The following OSBP variants were observed in gnomAD, a reference collection of about 807,000 sequenced individuals.
OSBP encodes oxysterol binding protein, also known as oxysterol-binding protein 1.
A neutral mutation model predicts 96.6 loss-of-function variants in OSBP; 32 were observed. The observed-to-expected ratio is 0.33, with a 90% CI of 0.25 to 0.45. The LOEUF (loss-of-function observed/expected upper bound fraction) is 0.45, where lower values mean the gene tolerates loss of function less well. Ranked by LOEUF, OSBP falls within the 20% of genes least tolerant of loss-of-function variation. The pLI is 1.00. For missense variants in OSBP, 653 were observed against 1,029.7 expected (o/e 0.63, Z 5.01); for synonymous variants, 369 against 389.6 (o/e 0.95, Z 0.62).
chr11:59,615,684 A>C lies in OSBP; in HGVS notation c.-20T>G. The C allele has an allele frequency of 7.7e-7, 1 of 1,298,562 alleles. No individual in the cohort carries two copies. Among genetic ancestry groups the C allele is most frequent in the Non-Finnish European group, 9.8e-7 (1 of 1,024,676 alleles). The allele number at this position is 1,298,562 out of a possible 1,614,324, so 80.4% of individuals were successfully genotyped here. On this transcript the variant is annotated 5_prime_UTR_variant, in exon 1 of 14. Transcript: ENST00000263847. ...CGCCATGAGCCGCCGCCGCCTGGAG[A>C]TACAAGACCGGAACCGCCTACGAGA...
intron 9 of OSBP, among the ~76,000 whole-genome samples, chr11:59,587,512 A>AG (rs1485616419): frequency 7.9e-5 from 12 of 152,242 alleles, no homozygotes; most frequent in Admixed American, 2.6e-4. Flanking sequence ...AAAAAAAAAA[A>AG]AAGAAAAAGG....
chr11:59,613,938 C>T lies in OSBP; in HGVS notation c.362+1365G>A, dbSNP rs187990885. On this transcript the variant is annotated intron_variant, in intron 1 of 13. Coordinates refer to ENST00000263847, the MANE Select transcript of OSBP (RefSeq NM_002556.3). ...TGGAAAAGAGACTTGTTCAGCCTAA[C>T]TCTCTGGGTAGCAGAATGATTCCTG... is the stretch of plus-strand genomic sequence containing the variant. Among the ~76,000 whole-genome samples the T allele has an allele frequency of 3.1e-3, 479 of 152,296 alleles. 2 individuals are homozygous for T. The highest frequency in any genetic ancestry group is 4.4e-3 in the Non-Finnish European group (302 of 68,026).
intron 1 of OSBP, among the ~76,000 whole-genome samples, chr11:59,613,470 T>C (rs1309754814): frequency 1.3e-5 from 2 of 152,196 alleles, no homozygotes; most frequent in Non-Finnish European, 2.9e-5. Context: ...GGTAAGAACT[T>C]GGATGAGAAA....
intron 2 of OSBP, 22 bp downstream of exon 2, chr11:59,610,359 G>A: frequency 1.2e-6 from 2 of 1,604,072 alleles, no homozygotes; most frequent in Non-Finnish European, 1.7e-6. Context: ...AGTTCCCCAG[G>A]CAGGTGTTCT....
At chr11:59,604,574 C>T (rs934822062) in intron 3 of OSBP, among the ~76,000 whole-genome samples, 7 of 151,790 alleles carry the variant, frequency 4.6e-5, no homozygotes, top group Admixed American at 2.6e-4. Flanking sequence ...TGGTGATGTG[C>T]GCCTGTAGTC....
chr11:59,608,755 G>A lies in OSBP; in HGVS notation c.572-21C>T, dbSNP rs748667307. On this transcript the variant is annotated intron_variant, in intron 2 of 13. Coordinates refer to ENST00000263847, the MANE Select transcript of OSBP (RefSeq NM_002556.3). ...TTCATCTGTAGGAATGAAAAGAAAG[G>A]TTATATGATTCCAGAACCAGGAGTG... The A allele has an allele frequency of 2.5e-6, 4 of 1,613,086 alleles. No individual in the cohort carries two copies. The South Asian group carries it at 4.4e-5, about 18-fold the overall frequency.
At position 59,615,570 on chromosome 11, in the gene OSBP, C is replaced by A; in HGVS notation, c.95G>T (p.Gly32Val). Residue 32 changes from glycine (G) to valine (V), a missense_variant, in exon 1 of 14, where the codon GGA becomes GTA. Physicochemically the swap from Gly to Val is moderately radical, Grantham distance 109 (BLOSUM62 -3). This residue lies in a region of OSBP where 151 missense variants were observed against 146.1 expected (regional missense o/e 1.03). Coordinates refer to ENST00000263847, the MANE Select transcript of OSBP (RefSeq NM_002556.3). ...GGGAGPPVVG[G>V]GGGRGDAGPG... is the part of the protein sequence containing the mutation. ...CCCCGCATCTCCGCGGCCGCCGCCT[C>A]CTCCCACCACTGGGGGACCGGCGCC... 1 of 1,370,224 alleles carries A rather than the reference C, an allele frequency of 7.3e-7. No homozygotes were observed. 84.9% of individuals were successfully genotyped at this position (1,370,224 alleles called of 1,614,324 possible). A position where few individuals can be genotyped will look rare whatever the true frequency, so the allele number is the denominator to read the frequency against.
Position 59,578,326 on chromosome 11 carries a change from G to C in OSBP, c.1883C>G (p.Thr628Arg). 6.2e-7 allele frequency: 1 copy of C among 1,613,674 alleles called. No homozygotes were observed. Among genetic ancestry groups the C allele is most frequent in the Non-Finnish European group, 8.5e-7 (1 of 1,179,740 alleles). The change falls in exon 12 of 14, where the codon ACG (threonine) becomes AGG (arginine). Residue 628 changes from threonine (T) to arginine (R), a missense_variant. By Grantham distance (71) the Thr-to-Arg change is moderately conservative (BLOSUM62 -1). Transcript: ENST00000263847. ...TCCTGATGGATCTGTCACTTCCCCCGTCACCTGCAAGGGTGGAGAACAGGG... is the reference window on the plus strand; with the variant it reads ...TCCTGATGGATCTGTCACTTCCCCCCTCACCTGCAAGGGTGGAGAACAGGG... ...YFSRDVARKV[T>R]GEVTDPSGKV...
In OSBP at chr11:59,600,871, C is replaced by A; in HGVS notation, c.1127G>T (p.Arg376Leu). The A allele has an allele frequency of 6.2e-7, 1 of 1,612,896 alleles. No individual in the cohort carries two copies. The highest frequency in any genetic ancestry group is 8.5e-7 in the Non-Finnish European group (1 of 1,179,058). ...GGCTCCACTGATATTGCTGCCAGTACGTCTGTACAGATGGGAAACACAGGA... is the reference window on the plus strand; with the variant it reads ...GGCTCCACTGATATTGCTGCCAGTAAGTCTGTACAGATGGGAAACACAGGA... ...ITMPENLGHK[R>L]TGSNISGASS... The change falls in exon 6 of 14, where the codon CGT (arginine) becomes CTT (leucine). Residue 376 changes from arginine (R) to leucine (L), a missense_variant and splice_region_variant. This residue lies in a region of OSBP where 308 missense variants were observed against 573.1 expected (regional missense o/e 0.54). Transcript: ENST00000263847.
chr11:59,582,420 G>A (rs553700), intron 9 of OSBP, among the ~76,000 whole-genome samples: 26,624 of 152,124 alleles, frequency 0.18, 4,309 homozygotes, highest in African/African-American at 0.43. Context: ...GAATAGATCA[G>A]TGTGCCAGGA....
Position 59,579,743 on chromosome 11 carries a change from G to A in OSBP, c.1878+431C>T, listed in dbSNP as rs372706620. Among the ~76,000 whole-genome samples, 86 of 148,704 alleles carry A rather than the reference G, an allele frequency of 5.8e-4. No homozygotes were observed. The East Asian group carries it at 0.011, about 19-fold the overall frequency. ...ACCTCTACTTTTTTTTTTTTGAGAC[G>A]GAGTCTCGCTCTGTTGCCCAGGCTG... On this transcript the variant is annotated intron_variant, in intron 11 of 13. Coordinates refer to ENST00000263847, the MANE Select transcript of OSBP (RefSeq NM_002556.3).
chr11:59,597,642 T>C (rs952193950), intron 7 of OSBP, among the ~76,000 whole-genome samples: 1 of 152,128 alleles, frequency 6.6e-6, no homozygotes, highest in Non-Finnish European at 1.5e-5. Flanking sequence ...CGGTCTCAAG[T>C]GATCCTCCCA....
At chr11:59,606,718 T>C (rs969058604) in intron 3 of OSBP, among the ~76,000 whole-genome samples, 2 of 152,222 alleles carry the variant, frequency 1.3e-5, no homozygotes, top group Non-Finnish European at 2.9e-5. Context: ...GAGTGAAACA[T>C]ATTCTTCCTT....
intron 9 of OSBP, among the ~76,000 whole-genome samples, chr11:59,582,722 A>C (rs989468498): frequency 6.6e-6 from 1 of 152,194 alleles, no homozygotes; most frequent in African/African-American, 2.4e-5. Context: ...GTTGGGTACT[A>C]TGCCCTTAAC....
chr11:59,579,837 G>A lies in OSBP; in HGVS notation c.1878+337C>T, dbSNP rs187099120. Among the ~76,000 whole-genome samples, 125 of 151,574 alleles carry A rather than the reference G, an allele frequency of 8.2e-4. 1 individual carries two copies. Among genetic ancestry groups the A allele is most frequent in the African/African-American group, 2.8e-3 (114 of 41,304 alleles). ...TTCAAGCGATTCTCCTGCCTCACCC[G>A]AGTAGCTGGGATTACAGGCACGCGC... On this transcript the variant is annotated intron_variant, in intron 11 of 13. Transcript: ENST00000263847.
chr11:59,615,420 G>C lies in OSBP; in HGVS notation c.245C>G (p.Ser82Trp). The part of the protein sequence containing the change: ...PAPPTGGSGG[S>W]GAGGSGSARE... Reference sequence around the variant, plus strand: ...AGCCGAGCCCGAACCCCCAGCGCCCGAGCCGCCCGAGCCCCCAGTCGGCGG... The same window carrying C: ...AGCCGAGCCCGAACCCCCAGCGCCCCAGCCGCCCGAGCCCCCAGTCGGCGG... Residue 82 changes from serine to tryptophan, a missense_variant, in exon 1 of 14, where the codon TCG (serine) becomes TGG (tryptophan). Physicochemically the swap from Ser to Trp is radical, Grantham distance 177 (BLOSUM62 -3). Coordinates refer to ENST00000263847, the MANE Select transcript of OSBP (RefSeq NM_002556.3). The C allele has an allele frequency of 6.6e-7, 1 of 1,514,122 alleles. No homozygotes were observed. The highest frequency in any genetic ancestry group is 8.9e-7 in the Non-Finnish European group (1 of 1,126,238). 93.8% of individuals were successfully genotyped at this position (1,514,122 alleles called of 1,614,324 possible).
chr11:59,613,916 A>T (rs1352668051), intron 1 of OSBP, among the ~76,000 whole-genome samples: 1 of 152,218 alleles, frequency 6.6e-6, no homozygotes, highest in Non-Finnish European at 1.5e-5. Context: ...GAGTTGATGG[A>T]AAAGAGACTT....
chr11:59,578,319 T>C lies in OSBP; in HGVS notation c.1890A>G (p.Glu630=). Residue 630 remains glutamate (E), a synonymous_variant, in exon 12 of 14, where the codon GAA becomes GAG. Coordinates refer to ENST00000263847, the MANE Select transcript of OSBP (RefSeq NM_002556.3). ...GGACTTTTCCTGATGGATCTGTCAC[T>C]TCCCCCGTCACCTGCAAGGGTGGAG... is the stretch of plus-strand genomic sequence containing the variant. ...SRDVARKVTG[E]VTDPSGKVHF... 3 of 1,614,088 alleles carry C rather than the reference T, an allele frequency of 1.9e-6. No individual in the cohort carries two copies. The highest frequency in any genetic ancestry group is 2.5e-6 in the Non-Finnish European group (3 of 1,179,938).
chr11:59,602,292 G>A (rs960534497), intron 3 of OSBP, among the ~76,000 whole-genome samples: 1 of 152,132 alleles, frequency 6.6e-6, no homozygotes, highest in Admixed American at 6.5e-5. Flanking sequence ...TCCACACTGA[G>A]GTAGACCAAG....
Sources: allele counts gnomAD v4.1 joint callset (sites outside exome capture counted in the v4.1 genomes callset), GRCh38; gene constraint gnomAD v4.1.1; regional missense constraint gnomAD v4.1.1; transcripts MANE v1.5; gene names NCBI Gene and HGNC (gene_info 2026-07-23, HGNC 2026-07-21).